The following MGMT variants were observed in gnomAD, a reference collection of about 807,000 sequenced individuals.
The protein encoded by MGMT is methylated-DNA--protein-cysteine methyltransferase.
In MGMT, 14 loss-of-function variants were observed where a neutral mutation model predicts 15.9. That is an observed-to-expected ratio of 0.88 (90% CI 0.58 to 1.37). The LOEUF (loss-of-function observed/expected upper bound fraction) is 1.37, where lower values mean the gene tolerates loss of function less well. Ranked by LOEUF, MGMT falls within the 40% of genes most tolerant of loss-of-function variation. MGMT has a pLI of 0.00. For missense variants in MGMT, 282 were observed against 268.1 expected, an observed-to-expected ratio of 1.05 and a Z score of -0.36; for synonymous variants, 130 against 118.2, an observed-to-expected ratio of 1.10 and a Z score of -0.65.
At chr10:129,723,627 A>C (rs1360653428) in intron 3 of MGMT, among the ~76,000 whole-genome samples, 1 of 152,190 alleles carries the variant, frequency 6.6e-6, no homozygotes, top group Non-Finnish European at 1.5e-5. Context: ...TTTTTACAAA[A>C]CACATATCTG....
intron 2 of MGMT, among the ~76,000 whole-genome samples, chr10:129,614,938 G>A (rs1244915867): frequency 9.2e-5 from 14 of 152,038 alleles, no homozygotes; most frequent in Admixed American, 9.2e-4. Context: ...TCCCAGTACT[G>A]TATTTACATT....
chr10:129,666,445 T>G (rs551253663), intron 2 of MGMT, among the ~76,000 whole-genome samples: 53 of 152,326 alleles, frequency 3.5e-4, no homozygotes, highest in Middle Eastern at 3.4e-3. Flanking sequence ...CTTTTATGTC[T>G]TTCCATAAAA....
At chr10:129,580,378 T>G (rs117793289) in intron 2 of MGMT, among the ~76,000 whole-genome samples, 4,947 of 152,244 alleles carry the variant, frequency 0.032, 131 homozygotes, top group South Asian at 0.064. Flanking sequence ...GGCACCACAG[T>G]AGAAACTGAG....
intron 2 of MGMT, among the ~76,000 whole-genome samples, chr10:129,540,067 T>C (rs1219735211): frequency 1.3e-5 from 2 of 152,222 alleles, no homozygotes; most frequent in Admixed American, 1.3e-4. Context: ...GTTCTTTCAT[T>C]GTCCTCGGCA....
At chr10:129,569,426 A>G (rs756910653) in intron 2 of MGMT, among the ~76,000 whole-genome samples, 5 of 152,148 alleles carry the variant, frequency 3.3e-5, no homozygotes, top group Non-Finnish European at 7.4e-5. Context: ...GCTTCACATC[A>G]TAACTAGTTC....
chr10:129,537,759 C>T (rs1472071198), intron 2 of MGMT, among the ~76,000 whole-genome samples: 1 of 152,214 alleles, frequency 6.6e-6, no homozygotes, highest in Non-Finnish European at 1.5e-5. Context: ...GGTGTAAAAA[C>T]AGCCGTGAAA....
chr10:129,531,560 G>A (rs183155029), intron 1 of MGMT, among the ~76,000 whole-genome samples: 127 of 152,222 alleles, frequency 8.3e-4, no homozygotes, highest in African/African-American at 2.8e-3. Flanking sequence ...CATCAGAGAC[G>A]CTGCCGTGCT....
intron 2 of MGMT, among the ~76,000 whole-genome samples, chr10:129,642,093 G>A (rs1195027483): frequency 6.6e-6 from 1 of 152,148 alleles, no homozygotes; most frequent in Non-Finnish European, 1.5e-5. Context: ...AACAGAACTT[G>A]CTCACAGTGA....
intron 1 of MGMT, among the ~76,000 whole-genome samples, chr10:129,492,379 A>G (rs1845477668): frequency 6.6e-6 from 1 of 152,132 alleles, no homozygotes; most frequent in East Asian, 1.9e-4. Context: ...AGATGTGACT[A>G]TGTGTGAAGC....
intron 2 of MGMT, among the ~76,000 whole-genome samples, chr10:129,688,611 G>T (rs991275526): frequency 1.3e-5 from 2 of 152,148 alleles, no homozygotes; most frequent in African/African-American, 4.8e-5. Context: ...CAGATGGGTA[G>T]ATTGCAAAAA....
At chr10:129,624,692 A>G (rs1457322450) in intron 2 of MGMT, among the ~76,000 whole-genome samples, 1 of 152,220 alleles carries the variant, frequency 6.6e-6, no homozygotes, top group African/African-American at 2.4e-5. Context: ...GATGGTCAGC[A>G]TGCCCAGTGC....
At chr10:129,564,671 T>TCCTCTCCTTCCTCCTCG (rs1269784748) in intron 2 of MGMT, among the ~76,000 whole-genome samples, 1 of 101,322 alleles carries the variant, frequency 9.9e-6, no homozygotes, top group African/African-American at 4.0e-5. Flanking sequence ...TTCCTCCCCC[T>TCCTCTCCTTCCTCCTCG]CCTCTCCTTC....
chr10:129,636,274 G>A (rs141665966), intron 2 of MGMT, among the ~76,000 whole-genome samples: 3,920 of 152,300 alleles, frequency 0.026, 81 homozygotes, highest in South Asian at 0.061. Context: ...CATTCCTGAA[G>A]AAGTGGGTAG....
At chr10:129,616,177 G>A (rs946624112) in intron 2 of MGMT, among the ~76,000 whole-genome samples, 7 of 152,214 alleles carry the variant, frequency 4.6e-5, no homozygotes, top group Admixed American at 3.3e-4. Flanking sequence ...AGGGAGCGGC[G>A]ATTGGATTGG....
chr10:129,707,321 G>A (rs1848175781), intron 2 of MGMT, among the ~76,000 whole-genome samples: 1 of 151,916 alleles, frequency 6.6e-6, no homozygotes, highest in South Asian at 2.1e-4. Context: ...AAAGAACCAA[G>A]TAGACACAGG....
chr10:129,679,715 G>A (rs1030288752), intron 2 of MGMT, among the ~76,000 whole-genome samples: 3 of 152,080 alleles, frequency 2.0e-5, no homozygotes, highest in African/African-American at 7.2e-5. Flanking sequence ...CAGCATTGGT[G>A]CATTGAGGAC....
At chr10:129,707,481 G>GC (rs1249380633) in intron 2 of MGMT, among the ~76,000 whole-genome samples, 6 of 152,148 alleles carry the variant, frequency 3.9e-5, no homozygotes, top group Admixed American at 3.9e-4. Context: ...GAGGCAGAAC[G>GC]CGTGGATGTG....
chr10:129,588,706 C>T (rs894590991), intron 2 of MGMT, among the ~76,000 whole-genome samples: 1 of 152,254 alleles, frequency 6.6e-6, no homozygotes, highest in South Asian at 2.1e-4. Flanking sequence ...TCAGCCCATA[C>T]TCTCCTCTGT....
intron 2 of MGMT, among the ~76,000 whole-genome samples, chr10:129,624,465 A>C (rs1270801224): frequency 2.0e-5 from 3 of 152,224 alleles, no homozygotes; most frequent in Non-Finnish European, 2.9e-5. Context: ...CCTGCTGTAA[A>C]GGGATTATGT....
Sources: gnomAD v4.1 joint callset for allele counts (sites outside exome capture counted in the v4.1 genomes callset) on GRCh38, gnomAD v4.1.1 for gene constraint, MANE v1.5 for transcripts, NCBI Gene and HGNC (gene_info 2026-07-23, HGNC 2026-07-21) for gene names.